The following NGEF variants were observed in gnomAD, a reference collection of about 807,000 sequenced individuals.
NGEF encodes ephexin-1.
NGEF carries 31 observed loss-of-function variants against 80.9 expected under a neutral mutation model. The observed-to-expected ratio is 0.38, with a 90% CI of 0.29 to 0.52. The LOEUF is 0.52. Ranked by LOEUF, NGEF falls within the 20% of genes least tolerant of loss-of-function variation. The probability of loss-of-function intolerance (pLI) is 0.84; values close to 1 mark genes in which losing one functional copy is unlikely to be tolerated. For synonymous variants in NGEF, 371 were observed against 370.2 expected (o/e 1.00, Z -0.03); for missense variants, 709 against 926.2 (o/e 0.77, Z 3.04).
chr2:232,954,625 T>C (rs1279961869), intron 3 of NGEF, among the ~76,000 whole-genome samples: 4 of 151,168 alleles, frequency 2.6e-5, no homozygotes, highest in Non-Finnish European at 5.9e-5. Context: ...CTCGGGAGGC[T>C]GAGGCAGGAC....
chr2:232,924,352 C>T (rs2106280802), intron 4 of NGEF, among the ~76,000 whole-genome samples: 1 of 152,306 alleles, frequency 6.6e-6, no homozygotes, highest in African/African-American at 2.4e-5. Context: ...CAGAGATAGC[C>T]AGCCCTCAGC....
At chr2:232,940,198 A>G (rs371705083) in intron 3 of NGEF, among the ~76,000 whole-genome samples, 1 of 152,372 alleles carries the variant, frequency 6.6e-6, no homozygotes. Flanking sequence ...TTTCTATTTC[A>G]GAGTGTCTCA....
rs184136564 is a variant in NGEF, at chr2:232,882,599, A to G, written c.1758-334T>C. On this transcript the variant is annotated intron_variant, in intron 12 of 14. Transcript: ENST00000264051. ...ATTCCGTGGCCACAGCCACGCCACCAAAGCCACAGTTTCTCATCCCGACAG... is the reference window on the plus strand; with the variant it reads ...ATTCCGTGGCCACAGCCACGCCACCGAAGCCACAGTTTCTCATCCCGACAG... Among the ~76,000 whole-genome samples the G allele has an allele frequency of 8.8e-3, 1,346 of 152,336 alleles. 37 individuals are homozygous for G. The highest frequency in any genetic ancestry group is 0.055 in the Admixed American group (843 of 15,306).
chr2:232,927,173 TGGA>T lies in NGEF; in HGVS notation c.394_396del (p.Ser132del). 6.3e-7 allele frequency: 1 copy of T among 1,595,314 alleles called. No homozygotes were observed. The highest frequency in any genetic ancestry group is 8.5e-7 in the Non-Finnish European group (1 of 1,172,780). ...TCGGGCGTGGCCCCATTTCCCGGGG[TGGA>T]GGACGACTCACTGCCAGAGAGGGAG... On this transcript the variant is annotated inframe_deletion, in exon 4 of 15. Transcript: ENST00000264051.
At chr2:232,984,864 G>A (rs914335854) in intron 1 of NGEF, among the ~76,000 whole-genome samples, 2 of 152,202 alleles carry the variant, frequency 1.3e-5, no homozygotes, top group African/African-American at 2.4e-5. Context: ...GGCTCGGAGC[G>A]TAAGATTGAG....
chr2:232,888,386 G>A (rs570762034), intron 8 of NGEF, among the ~76,000 whole-genome samples: 1 of 151,684 alleles, frequency 6.6e-6, no homozygotes, highest in East Asian at 1.9e-4. Context: ...GTAGAAACAT[G>A]CATACAAGCA....
Position 232,883,969 on chromosome 2 carries a change from GC to G in NGEF, c.1601+11del. On this transcript the variant is annotated intron_variant, in intron 11 of 14. Coordinates refer to ENST00000264051, the MANE Select transcript of NGEF (RefSeq NM_019850.3). ...CCCACCGGAGCGCCTGATGCCCTGG[GC>G]CCCGACTCACCCTGGAATCTGCCGG... 6.2e-7 allele frequency: 1 copy of G among 1,602,156 alleles called. No individual in the cohort carries two copies. Among genetic ancestry groups the G allele is most frequent in the Non-Finnish European group, 8.5e-7 (1 of 1,174,200 alleles).
chr2:232,956,223 C>A (rs191803762), intron 3 of NGEF, among the ~76,000 whole-genome samples: 8 of 152,074 alleles, frequency 5.3e-5, no homozygotes, highest in Admixed American at 5.2e-4. Flanking sequence ...CCTGAAGGGA[C>A]CTGGCTGGGC....
At chr2:232,966,555 A>AT (rs1447187082) in intron 3 of NGEF, among the ~76,000 whole-genome samples, 1 of 151,976 alleles carries the variant, frequency 6.6e-6, no homozygotes, top group Non-Finnish European at 1.5e-5. Flanking sequence ...AGCCCTCCTC[A>AT]TTTAACTTAA....
chr2:232,888,542 C>CATAT (rs1559192821), intron 8 of NGEF, among the ~76,000 whole-genome samples: 1 of 88,004 alleles, frequency 1.1e-5, no homozygotes, highest in African/African-American at 4.6e-5. Flanking sequence ...TACATGCATG[C>CATAT]ACATACATGC....
intron 5 of NGEF, 51 bp from the exon 6 acceptor site, chr2:232,894,967 G>A (rs533264700): frequency 1.3e-6 from 2 of 1,516,250 alleles, no homozygotes; most frequent in Admixed American, 1.7e-5. Flanking sequence ...CTTCCACGAA[G>A]GCGCTAGCCT....
chr2:232,890,948 GC>G (rs746536107), intron 8 of NGEF: 1 of 472,464 alleles, frequency 2.1e-6, no homozygotes, highest in South Asian at 1.5e-5. Flanking sequence ...CAGTCTTGGG[GC>G]CTTTGCACAA....
intron 1 of NGEF, among the ~76,000 whole-genome samples, chr2:232,997,274 G>T (rs1292478318): frequency 6.6e-6 from 1 of 152,178 alleles, no homozygotes; most frequent in Non-Finnish European, 1.5e-5. Context: ...CTGAGACTGG[G>T]GTACACACCG....
rs1387984131 is a variant in NGEF at position 232,892,247 on chromosome 2, CT to C, written c.1142+650del. 2.0e-5 allele frequency among the ~76,000 whole-genome samples: 3 copies of C among 152,168 alleles called. No individual in the cohort carries two copies. The highest frequency in any genetic ancestry group is 4.4e-5 in the Non-Finnish European group (3 of 68,042). ...GAAACGTGCACCATGAACTCCATGT[CT>C]TGGTGGAAAAGCCAGTGAGGCGCAA... On this transcript the variant is annotated intron_variant, in intron 7 of 14. Transcript: ENST00000264051. The surrounding 1 kb of genome is among the most constrained non-coding windows in gnomAD (Gnocchi z 4.0).
chr2:232,886,357 A>G (rs1028460301), intron 9 of NGEF, among the ~76,000 whole-genome samples: 2 of 149,474 alleles, frequency 1.3e-5, no homozygotes, highest in African/African-American at 4.9e-5. Flanking sequence ...ATGAGGGGCC[A>G]TGTGTGTGCG....
At chr2:232,939,575 T>A in intron 3 of NGEF, among the ~76,000 whole-genome samples, 1 of 152,226 alleles carries the variant, frequency 6.6e-6, no homozygotes, top group East Asian at 1.9e-4. Flanking sequence ...TAGAAAAGTA[T>A]CTTCCATAAT....
At position 232,906,090 on chromosome 2, in the gene NGEF, T is replaced by C. The variant is rs866337764; in HGVS notation, c.829-11174A>G. Among the ~76,000 whole-genome samples, 171 of 74,802 alleles carry C rather than the reference T, an allele frequency of 2.3e-3. 6 individuals are homozygous for C. Among genetic ancestry groups the C allele is most frequent in the African/African-American group, 6.1e-3 (115 of 18,748 alleles). The allele number at this position is 74,802 out of a possible 152,430, so 49.1% of individuals were successfully genotyped here. ...GAGGTGAGGGGGTCAGCCCCCCGCC[T>C]GGTCAGCCGTCCCGTCTGGGAGGGA... On this transcript the variant is annotated intron_variant, in intron 5 of 14. Transcript: ENST00000264051.
chr2:232,923,454 G>A (rs943602952), intron 4 of NGEF, among the ~76,000 whole-genome samples: 1 of 152,100 alleles, frequency 6.6e-6, no homozygotes, highest in Admixed American at 6.5e-5. Flanking sequence ...CCTACCACAA[G>A]GCCCAGTGCA....
At chr2:233,001,225 G>C (rs1333389407) in intron 1 of NGEF, among the ~76,000 whole-genome samples, 1 of 152,200 alleles carries the variant, frequency 6.6e-6, no homozygotes, top group African/African-American at 2.4e-5. Flanking sequence ...ACCGTGGCAG[G>C]TTCCTAGGCA....
Sources: gnomAD v4.1 joint callset for allele counts (sites outside exome capture counted in the v4.1 genomes callset) on GRCh38, gnomAD v4.1.1 for gene constraint, Gnocchi (gnomAD v3.1) non-coding constraint, MANE v1.5 for transcripts, NCBI Gene and HGNC (gene_info 2026-07-23, HGNC 2026-07-21) for gene names.